Variants in PCDHA13 observed in about 807,000 individuals in gnomAD.
PCDHA13 encodes the protein protocadherin alpha 13, also known as protocadherin alpha-13.
A neutral mutation model predicts 64.8 loss-of-function variants in PCDHA13; 54 were observed. The ratio of observed to expected loss-of-function variants is 0.83; its 90% CI spans 0.67 to 1.04. The LOEUF (loss-of-function observed/expected upper bound fraction) is 1.04. Among genes scored for constraint, PCDHA13 ranks in the 50% least tolerant of loss-of-function variants. The pLI is 0.00. For synonymous variants in PCDHA13, 587 were observed against 564.4 expected (o/e 1.04, Z -0.57); for missense variants, 1,248 against 1,254.3 (o/e 0.99, Z 0.08).
At chr5:140,990,155 G>GT (rs1274867030) in intron 3 of PCDHA13, among the ~76,000 whole-genome samples, 4 of 152,076 alleles carry the variant, frequency 2.6e-5, no homozygotes, top group African/African-American at 9.7e-5. Context: ...ATAATAGAAA[G>GT]TTAGGGTATG....
rs551502223 is a variant in PCDHA13 at position 140,976,924 on chromosome 5, T to G, written c.2395-2025T>G. ...TGTAATAAAGTGCAAAATCTAGTAC[T>G]GTGTAGCTACTTAAAACATATTATA... is the stretch of plus-strand genomic sequence containing the variant. On this transcript the variant is annotated intron_variant, in intron 1 of 3. Coordinates refer to ENST00000289272, the MANE Select transcript of PCDHA13 (RefSeq NM_018904.3). 1.6e-4 allele frequency among the ~76,000 whole-genome samples: 25 copies of G among 152,364 alleles called. No homozygotes were observed. In the South Asian group the frequency reaches 5.2e-3, roughly 32 times the overall value.
chr5:140,884,500 G>C lies in PCDHA13; in HGVS notation c.2232G>C (p.Ala744=), dbSNP rs782378726. 10 of 1,614,004 alleles carry C rather than the reference G, an allele frequency of 6.2e-6. No homozygotes were observed. Among genetic ancestry groups the C allele is most frequent in the Admixed American group, 3.3e-5 (2 of 60,008 alleles). Residue 744 remains alanine, a synonymous_variant, in exon 1 of 4, where the codon GCG becomes GCC. Transcript: ENST00000289272. The part of the protein sequence containing the change: ...PGKPTLVCSS[A]AGSWSYSQQR... ...AGCCCACTCTAGTGTGCTCCAGCGC[G>C]GCAGGGAGTTGGTCGTACTCGCAGC...
At chr5:140,962,665 C>G (rs1457197885) in intron 1 of PCDHA13, among the ~76,000 whole-genome samples, 1 of 152,146 alleles carries the variant, frequency 6.6e-6, no homozygotes, top group African/African-American at 2.4e-5. Context: ...TTTTCATCTT[C>G]CCATCCACTG....
At position 140,929,318 on chromosome 5, in the gene PCDHA13, A is replaced by G. The variant is rs78197291; in HGVS notation, c.2394+44656A>G. The G allele has an allele frequency of 3.9e-4, 606 of 1,545,240 alleles. 3 individuals carry two copies. The African/African-American group carries it at 7.7e-3, about 20-fold the overall frequency. ...AGGAAAGGGGATCACGCTAATGTCA[A>G]TGCCATGGTAAGCAAATTTTATGGA... On this transcript the variant is annotated intron_variant, in intron 1 of 3. Coordinates refer to ENST00000289272, the MANE Select transcript of PCDHA13 (RefSeq NM_018904.3).
intron 3 of PCDHA13, among the ~76,000 whole-genome samples, chr5:140,999,218 C>T (rs1410560466): frequency 6.6e-6 from 1 of 152,180 alleles, no homozygotes; most frequent in Non-Finnish European, 1.5e-5. Context: ...GGAAGTACTA[C>T]ATTTGAGAAT....
At chr5:140,929,148 G>A in intron 1 of PCDHA13, 1 of 1,614,190 alleles carries the variant, frequency 6.2e-7, no homozygotes, top group Middle Eastern at 1.6e-4. Flanking sequence ...GACTTTCTCA[G>A]ACTTATCTCT....
rs114851794 is a variant in PCDHA13, at chr5:140,908,247, A to G, written c.2394+23585A>G. ...GTCCTTAGTCTTCTCTTCCTCATCA[A>G]CTGATCATAGGGAACTCCCCATGAG... On this transcript the variant is annotated intron_variant, in intron 1 of 3. Coordinates refer to ENST00000289272, the MANE Select transcript of PCDHA13 (RefSeq NM_018904.3). Among the ~76,000 whole-genome samples, 435 of 152,170 alleles carry G rather than the reference A, an allele frequency of 2.9e-3. 1 individual carries two copies. Among genetic ancestry groups the G allele is most frequent in the African/African-American group, 9.6e-3 (400 of 41,506 alleles).
intron 1 of PCDHA13, among the ~76,000 whole-genome samples, chr5:140,888,153 G>A (rs2061714988): frequency 6.6e-6 from 1 of 152,056 alleles, no homozygotes; most frequent in African/African-American, 2.4e-5. Context: ...TTGCATGACT[G>A]GTAATCTCTA....
At chr5:140,969,069 T>C in intron 1 of PCDHA13, 1 of 1,614,160 alleles carries the variant, frequency 6.2e-7, no homozygotes, top group Non-Finnish European at 8.5e-7. Context: ...GATGCCAGGA[T>C]ACCGCATGGC....
At chr5:140,966,666 C>T (rs2153748360) in intron 1 of PCDHA13, 7 of 1,259,308 alleles carry the variant, frequency 5.6e-6, no homozygotes, top group Non-Finnish European at 7.2e-6. Context: ...GGGGAGCAGG[C>T]GCAGGGTGGC....
intron 3 of PCDHA13, among the ~76,000 whole-genome samples, chr5:141,007,672 A>G (rs782403242): frequency 6.6e-6 from 1 of 152,194 alleles, no homozygotes; most frequent in African/African-American, 2.4e-5. Context: ...TACAAAGACA[A>G]AAGTTATCCT....
Position 141,000,369 on chromosome 5 carries a change from C to CTG in PCDHA13, c.2543-9257_2543-9256insGT, listed in dbSNP as rs1469177188. On this transcript the variant is annotated intron_variant, in intron 3 of 3. Coordinates refer to ENST00000289272, the MANE Select transcript of PCDHA13 (RefSeq NM_018904.3). ...TCTCTCTGTCTCTCTCTGTCTCTCT[C>CTG]TCTCTCTCTCTCTCTCTCTCTCTCT... Among the ~76,000 whole-genome samples, 12 of 35,276 alleles carry CTG rather than the reference C, an allele frequency of 3.4e-4. No individual in the cohort carries two copies. In the East Asian group the frequency reaches 5.7e-3, roughly 17 times the overall value. The allele number at this position is 35,276 out of a possible 152,430, so 23.1% of individuals were successfully genotyped here.
At position 140,979,027 on chromosome 5, in the gene PCDHA13, T is replaced by C. The variant is rs782016038; in HGVS notation, c.2453+20T>C. ...GCACAGGTATGTATTTCCCTCCTCA[T>C]TCACTCAGAAGTAACCTTAACTTGG... On this transcript the variant is annotated intron_variant, in intron 2 of 3. Coordinates refer to ENST00000289272, the MANE Select transcript of PCDHA13 (RefSeq NM_018904.3). The C allele has an allele frequency of 3.5e-5, 57 of 1,613,492 alleles. No homozygotes were observed. Among genetic ancestry groups the C allele is most frequent in the Non-Finnish European group, 4.4e-5 (52 of 1,179,754 alleles).
intron 1 of PCDHA13, among the ~76,000 whole-genome samples, chr5:140,904,556 T>A (rs1360933277): frequency 5.3e-5 from 8 of 151,780 alleles, no homozygotes; most frequent in Admixed American, 5.3e-4. Context: ...ATATAATGAC[T>A]TTTTTTTCCT....
At chr5:140,991,782 C>A (rs1257930918) in intron 3 of PCDHA13, among the ~76,000 whole-genome samples, 1 of 152,158 alleles carries the variant, frequency 6.6e-6, no homozygotes, top group Non-Finnish European at 1.5e-5. Flanking sequence ...AGACTCTGCC[C>A]ATTTCCCAAT....
chr5:140,965,493 C>A (rs1214376252), intron 1 of PCDHA13, among the ~76,000 whole-genome samples: 1 of 147,046 alleles, frequency 6.8e-6, no homozygotes, highest in African/African-American at 2.5e-5. Flanking sequence ...TTAATGACAG[C>A]AGATTTTTTT....
intron 2 of PCDHA13, among the ~76,000 whole-genome samples, chr5:140,980,525 G>C (rs1554241939): frequency 6.6e-6 from 1 of 152,166 alleles, no homozygotes; most frequent in African/African-American, 2.4e-5. Context: ...AGCTACTAGG[G>C]AGGCTGAGGC....
intron 1 of PCDHA13, chr5:140,927,048 G>C: frequency 6.2e-7 from 1 of 1,612,122 alleles, no homozygotes; most frequent in Non-Finnish European, 8.5e-7. Flanking sequence ...CTATGTCCTC[G>C]CGGAACTTTC....
chr5:140,962,237 C>G (rs982591816), intron 1 of PCDHA13, among the ~76,000 whole-genome samples: 5 of 152,108 alleles, frequency 3.3e-5, no homozygotes, highest in Non-Finnish European at 5.9e-5. Context: ...TTCACTTAAC[C>G]ATTTTCTTCA....
Sources: allele counts gnomAD v4.1 joint callset (sites outside exome capture counted in the v4.1 genomes callset), GRCh38; gene constraint gnomAD v4.1.1; transcripts MANE v1.5; gene names NCBI Gene and HGNC (gene_info 2026-07-23, HGNC 2026-07-21).